The following COL21A1 variants were observed in gnomAD, a reference collection of about 807,000 sequenced individuals.
COL21A1 encodes the protein collagen alpha-1(XXI) chain.
Under a neutral mutation model 137.9 loss-of-function variants are expected in COL21A1, and 149 were observed. The ratio of observed to expected loss-of-function variants is 1.08; its 90% CI spans 0.95 to 1.24. The LOEUF is 1.24. COL21A1 is among the 50% of genes most tolerant of loss of function. COL21A1 has a pLI of 0.00. For synonymous variants in COL21A1, 456 were observed against 391.5 expected, an observed-to-expected ratio of 1.16 and a Z score of -1.95; for missense variants, 1,167 against 1,158.4, an observed-to-expected ratio of 1.01 and a Z score of -0.11.
At chr6:56,215,055 G>A (rs945472198) in intron 1 of COL21A1, among the ~76,000 whole-genome samples, 21 of 151,856 alleles carry the variant, frequency 1.4e-4, no homozygotes, top group Admixed American at 1.2e-3. Flanking sequence ...AACGTCCTAT[G>A]TTATATACGT....
At chr6:56,275,344 A>T (rs1763617593) in intron 1 of COL21A1, among the ~76,000 whole-genome samples, 1 of 152,226 alleles carries the variant, frequency 6.6e-6, no homozygotes, top group African/African-American at 2.4e-5. Context: ...ATTGTAACAC[A>T]AACAAAAATT....
intron 1 of COL21A1, among the ~76,000 whole-genome samples, chr6:56,389,281 C>T (rs1003295172): frequency 2.0e-5 from 3 of 151,860 alleles, no homozygotes; most frequent in East Asian, 1.9e-4. Context: ...ATTACTTGAA[C>T]GTGGGAGGTG....
chr6:56,109,669 A>C (rs1771246331), intron 16 of COL21A1, among the ~76,000 whole-genome samples: 2 of 151,980 alleles, frequency 1.3e-5, no homozygotes, highest in South Asian at 4.1e-4. Context: ...TTACAAAATA[A>C]TATCAGGAAT....
intron 7 of COL21A1, chr6:56,166,636 A>G (rs529496425): frequency 1.0e-5 from 5 of 495,358 alleles, no homozygotes; most frequent in Non-Finnish European, 1.8e-5. Flanking sequence ...GGGCGACAAG[A>G]GTGAGACTCC....
chr6:56,129,779 C>T (rs1248027715), intron 12 of COL21A1, among the ~76,000 whole-genome samples: 1 of 150,890 alleles, frequency 6.6e-6, no homozygotes, highest in Non-Finnish European at 1.5e-5. Context: ...GCCTATAACA[C>T]CCTAGAACGA....
intron 1 of COL21A1, chr6:56,276,890 C>G (rs1397317505): frequency 1.2e-5 from 6 of 491,050 alleles, no homozygotes; most frequent in Non-Finnish European, 2.2e-5. Flanking sequence ...TCACTGCAAG[C>G]TCTGCCTCCC....
chr6:56,163,529 T>C (rs1261092832), intron 9 of COL21A1, among the ~76,000 whole-genome samples: 1 of 151,972 alleles, frequency 6.6e-6, no homozygotes, highest in Non-Finnish European at 1.5e-5. Context: ...GCCAACACGG[T>C]GAAACCCCGT....
chr6:56,097,407 C>G (rs1769432532), intron 17 of COL21A1, among the ~76,000 whole-genome samples: 1 of 152,006 alleles, frequency 6.6e-6, no homozygotes, highest in Non-Finnish European at 1.5e-5. Flanking sequence ...TTAGTTTTTG[C>G]TTGCTTATCC....
chr6:56,180,527 A>G (rs1777816368), intron 2 of COL21A1, among the ~76,000 whole-genome samples: 1 of 152,248 alleles, frequency 6.6e-6, no homozygotes, highest in Non-Finnish European at 1.5e-5. Context: ...ATCTATGGTT[A>G]AAGGTATAAA....
chr6:56,278,689 G>A (rs1267901172), intron 1 of COL21A1, among the ~76,000 whole-genome samples: 2 of 152,128 alleles, frequency 1.3e-5, no homozygotes, highest in Non-Finnish European at 2.9e-5. Context: ...ACAGATCATG[G>A]TCACAATCAG....
intron 1 of COL21A1, among the ~76,000 whole-genome samples, chr6:56,278,854 A>G (rs1024577071): frequency 2.6e-5 from 4 of 152,228 alleles, no homozygotes; most frequent in African/African-American, 7.2e-5. Flanking sequence ...TTCTTGAAAG[A>G]GTAATGAAAT....
chr6:56,321,671 A>C (rs1459221569), intron 1 of COL21A1, among the ~76,000 whole-genome samples: 1 of 152,204 alleles, frequency 6.6e-6, no homozygotes, highest in Non-Finnish European at 1.5e-5. Flanking sequence ...ACAAAGGTAC[A>C]GTGCAGTGGT....
rs537491869 is a variant in COL21A1 at position 56,168,010 on chromosome 6, A to C, written c.1200+114T>G. ...TGAACTGACCACATTTTGGTGAACA[A>C]CTTAAGGGAATTCATAAGTATGTTA... On this transcript the variant is annotated intron_variant, in intron 6 of 29. Transcript: ENST00000244728. The C allele has an allele frequency of 1.5e-5, 11 of 728,062 alleles. 1 individual carries two copies. The South Asian group carries it at 3.8e-4, about 25-fold the overall frequency. The allele number at this position is 728,062 out of a possible 1,614,324, so 45.1% of individuals were successfully genotyped here.
At chr6:56,330,316 A>G (rs1234010190) in intron 1 of COL21A1, among the ~76,000 whole-genome samples, 2 of 152,176 alleles carry the variant, frequency 1.3e-5, no homozygotes, top group Non-Finnish European at 2.9e-5. Context: ...GTAAATAAAC[A>G]CAGAGAGAAT....
Position 56,189,699 on chromosome 6 carries a change from A to G in COL21A1, c.-38-7043T>C, listed in dbSNP as rs921553026. On this transcript the variant is annotated intron_variant, in intron 1 of 29. Coordinates refer to ENST00000244728, the MANE Select transcript of COL21A1 (RefSeq NM_030820.4). Reference sequence around the variant, plus strand: ...CACCAAGGTTGAAATGAAGAAAAAAATGTTAAGGGCAGCCAGAGAGAAAGG... The same window carrying G: ...CACCAAGGTTGAAATGAAGAAAAAAGTGTTAAGGGCAGCCAGAGAGAAAGG... Among the ~76,000 whole-genome samples, 5 of 152,206 alleles carry G rather than the reference A, an allele frequency of 3.3e-5. No homozygotes were observed. In the South Asian group the frequency reaches 1.0e-3, roughly 32 times the overall value.
intron 17 of COL21A1, among the ~76,000 whole-genome samples, chr6:56,078,980 A>AATATAATTAT (rs1767490731): frequency 1.3e-5 from 2 of 151,770 alleles, no homozygotes; most frequent in Non-Finnish European, 2.9e-5. Flanking sequence ...AAAATCACTG[A>AATATAATTAT]GTTATGAATA....
At chr6:56,381,097 A>G (rs2094007896) in intron 1 of COL21A1, among the ~76,000 whole-genome samples, 1 of 152,062 alleles carries the variant, frequency 6.6e-6, no homozygotes, top group Admixed American at 6.6e-5. Flanking sequence ...GAACATAACT[A>G]TGTTATGTTC....
At chr6:56,112,542 A>G (rs539997446) in intron 16 of COL21A1, among the ~76,000 whole-genome samples, 2 of 152,226 alleles carry the variant, frequency 1.3e-5, no homozygotes, top group Admixed American at 6.5e-5. Context: ...ATGGAGTGGA[A>G]AGCATTTCTG....
chr6:56,180,176 C>CA, intron 2 of COL21A1, 47 bp from the exon 3 acceptor site: 1 of 1,431,986 alleles, frequency 7.0e-7, no homozygotes, highest in Non-Finnish European at 9.4e-7. Flanking sequence ...ATATAAAAAG[C>CA]AAAAAGGGAG....
Sources: allele counts gnomAD v4.1 joint callset (sites outside exome capture counted in the v4.1 genomes callset), GRCh38; gene constraint gnomAD v4.1.1; transcripts MANE v1.5; gene names NCBI Gene and HGNC (gene_info 2026-07-23, HGNC 2026-07-21).